Variants in GRK5 observed in about 807,000 individuals in gnomAD.
GRK5 encodes the protein G protein-coupled receptor kinase 5, also known as g protein-coupled receptor kinase GRK5.
A neutral mutation model predicts 78.4 loss-of-function variants in GRK5; 40 were observed. That is an observed-to-expected ratio of 0.51 (90% CI 0.40 to 0.66). The LOEUF (loss-of-function observed/expected upper bound fraction) is 0.66, where lower values mean the gene tolerates loss of function less well. Among genes scored for constraint, GRK5 ranks in the 30% least tolerant of loss-of-function variants. GRK5 has a pLI of 0.00. For synonymous variants in GRK5, 289 were observed against 296.8 expected, an observed-to-expected ratio of 0.97 and a Z score of 0.27; for missense variants, 598 against 759.9, an observed-to-expected ratio of 0.79 and a Z score of 2.50.
intron 9 of GRK5, 110 bp downstream of exon 9, chr10:119,436,951 A>C (rs1852933188): frequency 1.0e-6 from 1 of 998,464 alleles, no homozygotes; most frequent in Non-Finnish European, 1.4e-6. Flanking sequence ...AGCCCTGGTC[A>C]GCACCAGGGG....
chr10:119,249,744 G>A (rs1849170499), intron 1 of GRK5, among the ~76,000 whole-genome samples: 1 of 152,146 alleles, frequency 6.6e-6, no homozygotes, highest in Admixed American at 6.5e-5. Context: ...CAGGTGATCT[G>A]CCTACCTCGG....
intron 1 of GRK5, among the ~76,000 whole-genome samples, chr10:119,304,008 G>T (rs1671365701): frequency 6.6e-6 from 1 of 152,144 alleles, no homozygotes; most frequent in African/African-American, 2.4e-5. Flanking sequence ...AGGATCATCT[G>T]GGGAGGGCTG....
At chr10:119,410,568 C>T (rs1266265408) in intron 4 of GRK5, among the ~76,000 whole-genome samples, 2 of 152,130 alleles carry the variant, frequency 1.3e-5, no homozygotes, top group Non-Finnish European at 2.9e-5. Context: ...CTTTGCAGCC[C>T]CAAGGCAAGG....
At chr10:119,235,470 C>T (rs1328278576) in intron 1 of GRK5, among the ~76,000 whole-genome samples, 1 of 152,152 alleles carries the variant, frequency 6.6e-6, no homozygotes, top group African/African-American at 2.4e-5. Context: ...AGCAAATGCA[C>T]TGCTGTTTGT....
intron 1 of GRK5, among the ~76,000 whole-genome samples, chr10:119,229,920 CAT>C (rs1848798532): frequency 6.6e-6 from 1 of 152,186 alleles, no homozygotes; most frequent in African/African-American, 2.4e-5. Flanking sequence ...GCTAAGGACA[CAT>C]TCAGGTAGGT....
intron 4 of GRK5, among the ~76,000 whole-genome samples, chr10:119,398,150 G>A (rs1852088138): frequency 6.6e-6 from 1 of 152,194 alleles, no homozygotes; most frequent in Non-Finnish European, 1.5e-5. Flanking sequence ...TTCTCAGGTG[G>A]ACACAGACGA....
intron 2 of GRK5, among the ~76,000 whole-genome samples, chr10:119,343,367 A>C (rs142583992): frequency 1.3e-5 from 2 of 152,164 alleles, no homozygotes; most frequent in African/African-American, 2.4e-5. Flanking sequence ...GCACCAGGCT[A>C]TGTGCTTTGC....
intron 4 of GRK5, among the ~76,000 whole-genome samples, chr10:119,406,980 A>G (rs968982969): frequency 1.4e-4 from 22 of 152,224 alleles, no homozygotes; most frequent in African/African-American, 5.1e-4. Context: ...ATATAAAATA[A>G]CAAGAAGTGG....
Position 119,378,590 on chromosome 10 carries a change from C to T in GRK5, c.149-2225C>T, listed in dbSNP as rs948736964. Among the ~76,000 whole-genome samples, 1 of 152,250 alleles carries T rather than the reference C, an allele frequency of 6.6e-6. No individual in the cohort carries two copies. Among genetic ancestry groups the T allele is most frequent in the Non-Finnish European group, 1.5e-5 (1 of 68,044 alleles). ...AGACAGCGGAGTGCTGAGGCCGTGT[C>T]CCCGTGTGGTGAATAAATGCCCGGG... On this transcript the variant is annotated intron_variant, in intron 2 of 15. Coordinates refer to ENST00000392870, the MANE Select transcript of GRK5 (RefSeq NM_005308.3). This position sits in a 1 kb window ranked among gnomAD's most constrained non-coding sequence, Gnocchi z 4.5.
chr10:119,401,840 C>T (rs1446808415), intron 4 of GRK5, among the ~76,000 whole-genome samples: 4 of 152,194 alleles, frequency 2.6e-5, no homozygotes, highest in African/African-American at 9.7e-5. Context: ...AGGCAGTGAG[C>T]CAGTCAGGAT....
At chr10:119,282,625 G>T (rs1359771379) in intron 1 of GRK5, among the ~76,000 whole-genome samples, 2 of 152,204 alleles carry the variant, frequency 1.3e-5, no homozygotes, top group African/African-American at 4.8e-5. Flanking sequence ...GCCCCCTGTG[G>T]GTCCAGGTTT....
intron 1 of GRK5, among the ~76,000 whole-genome samples, chr10:119,272,863 C>T (rs1589715163): frequency 6.6e-6 from 1 of 152,142 alleles, no homozygotes; most frequent in East Asian, 1.9e-4. Context: ...ATTGATAGAC[C>T]TGGAGGGACA....
intron 2 of GRK5, among the ~76,000 whole-genome samples, chr10:119,339,115 T>C (rs1049040502): frequency 6.6e-6 from 1 of 152,216 alleles, no homozygotes; most frequent in African/African-American, 2.4e-5. Context: ...GTGATGGGGA[T>C]GGACAAAGTG....
At chr10:119,401,238 CA>C (rs1852145153) in intron 4 of GRK5, among the ~76,000 whole-genome samples, 1 of 152,226 alleles carries the variant, frequency 6.6e-6, no homozygotes, top group Admixed American at 6.5e-5. Context: ...CCTGCCTAAG[CA>C]ATGCCTATGC....
chr10:119,296,670 A>C (rs1850087681), intron 1 of GRK5, among the ~76,000 whole-genome samples: 1 of 152,222 alleles, frequency 6.6e-6, no homozygotes, highest in South Asian at 2.1e-4. Context: ...ACAGACTCTG[A>C]TGAGCGTCTC....
intron 1 of GRK5, among the ~76,000 whole-genome samples, chr10:119,279,668 G>A (rs1427731986): frequency 6.6e-6 from 1 of 152,242 alleles, no homozygotes; most frequent in African/African-American, 2.4e-5. Flanking sequence ...CTTTGTGGCC[G>A]AGGCCAGCTC....
chr10:119,379,067 G>A lies in GRK5; in HGVS notation c.149-1748G>A, dbSNP rs1851671770. 1.3e-5 allele frequency among the ~76,000 whole-genome samples: 2 copies of A among 152,190 alleles called. No homozygotes were observed. On this transcript the variant is annotated intron_variant, in intron 2 of 15. Coordinates refer to ENST00000392870, the MANE Select transcript of GRK5 (RefSeq NM_005308.3). This position sits in a 1 kb window ranked among gnomAD's most constrained non-coding sequence, Gnocchi z 4.1. ...TAGATTCAGAGGCTTGGGTTGAATTGGTGCAGACTGGGAGAAAGGAGGTTC... is the reference window on the plus strand; with the variant it reads ...TAGATTCAGAGGCTTGGGTTGAATTAGTGCAGACTGGGAGAAAGGAGGTTC...
chr10:119,268,393 C>T (rs1849535015), intron 1 of GRK5, among the ~76,000 whole-genome samples: 1 of 152,194 alleles, frequency 6.6e-6, no homozygotes, highest in Admixed American at 6.5e-5. Context: ...CCTGGGCAGC[C>T]CCGTTGGTTT....
chr10:119,231,124 G>T (rs980550357), intron 1 of GRK5, among the ~76,000 whole-genome samples: 1 of 152,156 alleles, frequency 6.6e-6, no homozygotes, highest in Non-Finnish European at 1.5e-5. Context: ...AATCAACAGA[G>T]TGAAAAGACA....
Sources: gnomAD v4.1 joint callset for allele counts (sites outside exome capture counted in the v4.1 genomes callset) on GRCh38, gnomAD v4.1.1 for gene constraint, Gnocchi (gnomAD v3.1) non-coding constraint, MANE v1.5 for transcripts, NCBI Gene and HGNC (gene_info 2026-07-23, HGNC 2026-07-21) for gene names.